CSMD1: variants seen among roughly 807,000 people sequenced by gnomAD.
The protein encoded by CSMD1 is CUB and sushi domain-containing protein 1.
Under a neutral mutation model 417.5 loss-of-function variants are expected in CSMD1, and 213 were observed. That is an observed-to-expected ratio of 0.51 (90% confidence interval 0.46 to 0.57). The LOEUF is 0.57. Ranked by LOEUF, CSMD1 falls within the 20% of genes least tolerant of loss-of-function variation. The pLI is 0.00. For synonymous variants in CSMD1, 2,862 were observed against 1,736.8 expected (o/e 1.65, Z -16.11); for missense variants, 6,923 against 4,529.7 (o/e 1.53, Z -15.17).
intron 5 of CSMD1, among the ~76,000 whole-genome samples, chr8:3,813,062 G>C (rs527917935): frequency 2.7e-5 from 4 of 150,056 alleles, no homozygotes; most frequent in African/African-American, 7.4e-5. Context: ...ATAAAGGCTG[G>C]TATACCAAGA....
chr8:4,344,817 C>T (rs1259419822), intron 3 of CSMD1, among the ~76,000 whole-genome samples: 2 of 152,066 alleles, frequency 1.3e-5, no homozygotes, highest in African/African-American at 4.8e-5. Context: ...TGATATATAG[C>T]AGCTGATCTT....
rs1798525627 is a variant in CSMD1, at chr8:4,184,002, T to C, written c.416-151903A>G. 2.6e-5 allele frequency among the ~76,000 whole-genome samples: 4 copies of C among 152,212 alleles called. No individual in the cohort carries two copies. The South Asian group carries it at 8.3e-4, about 32-fold the overall frequency. On this transcript the variant is annotated intron_variant, in intron 3 of 69. Transcript: ENST00000635120. ...AGAGCCTCCGACAGTGTCATACACA[T>C]GACAAGGGTACAGTTAATGTTTGCT... is the stretch of plus-strand genomic sequence containing the variant.
intron 2 of CSMD1, among the ~76,000 whole-genome samples, chr8:4,611,775 AC>A (rs1443054679): frequency 1.3e-5 from 2 of 152,160 alleles, no homozygotes; most frequent in African/African-American, 4.8e-5. Flanking sequence ...TAGCAAAATT[AC>A]TCAGTGTTCC....
intron 23 of CSMD1, among the ~76,000 whole-genome samples, chr8:3,309,868 A>G (rs1338965003): frequency 1.3e-5 from 2 of 152,182 alleles, no homozygotes; most frequent in Non-Finnish European, 2.9e-5. Context: ...GCAGCTTTGT[A>G]TAGGAGAAAG....
chr8:4,634,713 G>A (rs1783075199), intron 2 of CSMD1, among the ~76,000 whole-genome samples: 3 of 152,162 alleles, frequency 2.0e-5, no homozygotes, highest in Non-Finnish European at 2.9e-5. Flanking sequence ...GCATTAGAGT[G>A]CTCCCTTTCC....
At chr8:3,843,902 C>T (rs973612952) in intron 5 of CSMD1, among the ~76,000 whole-genome samples, 1 of 152,148 alleles carries the variant, frequency 6.6e-6, no homozygotes, top group African/African-American at 2.4e-5. Context: ...ACGTAATTTA[C>T]ACCCAGCAGA....
chr8:3,427,861 T>A (rs1813954611), intron 12 of CSMD1, among the ~76,000 whole-genome samples: 2 of 152,230 alleles, frequency 1.3e-5, no homozygotes, highest in South Asian at 4.1e-4. Flanking sequence ...GTCAAATCGA[T>A]TACTGTCAAT....
At chr8:3,985,686 C>T (rs1346839327) in intron 5 of CSMD1, among the ~76,000 whole-genome samples, 1 of 152,032 alleles carries the variant, frequency 6.6e-6, no homozygotes. Flanking sequence ...TCATTACAAC[C>T]TCCAAGAATC....
At chr8:3,219,004 C>G (rs748115835) in intron 29 of CSMD1, among the ~76,000 whole-genome samples, 1 of 152,100 alleles carries the variant, frequency 6.6e-6, no homozygotes, top group Non-Finnish European at 1.5e-5. Flanking sequence ...TTACAAACCA[C>G]AATTTATTTT....
intron 3 of CSMD1, among the ~76,000 whole-genome samples, chr8:4,235,817 G>T (rs548039670): frequency 6.6e-6 from 1 of 152,212 alleles, no homozygotes; most frequent in South Asian, 2.1e-4. Context: ...TTTGTAACTT[G>T]AGAACACTCA....
intron 2 of CSMD1, among the ~76,000 whole-genome samples, chr8:4,454,725 T>C (rs1284577719): frequency 6.6e-6 from 1 of 152,170 alleles, no homozygotes; most frequent in African/African-American, 2.4e-5. Context: ...GGTAAGTAAA[T>C]GGATAAAACT....
intron 1 of CSMD1, among the ~76,000 whole-genome samples, chr8:4,684,589 G>A (rs1446263438): frequency 6.6e-6 from 1 of 152,244 alleles, no homozygotes. Flanking sequence ...CTTTGGCCCT[G>A]TTAGCCTGTC....
intron 3 of CSMD1, among the ~76,000 whole-genome samples, chr8:4,227,742 G>T (rs1467430685): frequency 6.6e-6 from 1 of 151,136 alleles, no homozygotes; most frequent in African/African-American, 2.4e-5. Context: ...CCCACACCTG[G>T]AGACACACCC....
Position 4,994,357 on chromosome 8 carries a change from G to T in CSMD1, c.60C>A (p.Cys20Ter). ...LLLLLGLLVL[C>*]ARLLTAAKGQ... ...CCTTCGCTGCAGTGAGGAGCCTCGC[G>T]CACAGCACCAGCAGCCCGAGAAGCA... Residue 20 changes from cysteine to a stop codon, truncating the protein, a stop_gained, in exon 1 of 70, where the codon TGC (cysteine) becomes TGA (stop). Coordinates refer to ENST00000635120, the MANE Select transcript of CSMD1 (RefSeq NM_033225.6). LOFTEE classifies it high-confidence loss of function. 6.2e-7 allele frequency: 1 copy of T among 1,611,508 alleles called. No homozygotes were observed.
At chr8:4,907,836 G>A (rs1805403522) in intron 1 of CSMD1, among the ~76,000 whole-genome samples, 1 of 152,026 alleles carries the variant, frequency 6.6e-6, no homozygotes, top group South Asian at 2.1e-4. Context: ...AAAGTGCTGG[G>A]ATTACAGACA....
chr8:3,400,064 G>A (rs11136621), intron 15 of CSMD1, among the ~76,000 whole-genome samples: 78,983 of 151,966 alleles, frequency 0.52, 20,913 homozygotes, highest in Middle Eastern at 0.61. Context: ...TTTGATAAGT[G>A]TAGAATTAGA....
chr8:3,899,263 G>T (rs1299626284), intron 5 of CSMD1, among the ~76,000 whole-genome samples: 22 of 152,178 alleles, frequency 1.4e-4, no homozygotes, highest in Admixed American at 1.4e-3. Context: ...CCAAGGGAAA[G>T]GAGCTCCCCG....
chr8:3,854,780 G>C (rs1446031994), intron 5 of CSMD1, among the ~76,000 whole-genome samples: 1 of 151,990 alleles, frequency 6.6e-6, no homozygotes, highest in African/African-American at 2.4e-5. Context: ...TTAAGAAGTG[G>C]TGATCAAAAT....
chr8:3,480,076 G>A (rs1341005748), intron 11 of CSMD1, among the ~76,000 whole-genome samples: 3 of 152,088 alleles, frequency 2.0e-5, no homozygotes, highest in Middle Eastern at 3.4e-3. Context: ...AATGGAAAAG[G>A]GGCCGGGAGT....
Sources: allele counts gnomAD v4.1 joint callset (sites outside exome capture counted in the v4.1 genomes callset), GRCh38; gene constraint gnomAD v4.1.1; transcripts MANE v1.5; gene names NCBI Gene and HGNC (gene_info 2026-07-23, HGNC 2026-07-21).